Variants in CSNK1A1 observed in about 807,000 individuals in gnomAD.
CSNK1A1 encodes the protein casein kinase I isoform alpha.
CSNK1A1 carries 7 observed loss-of-function variants against 46.1 expected under a neutral mutation model. That is an observed-to-expected ratio of 0.15 (90% confidence interval 0.09 to 0.29). The LOEUF (loss-of-function observed/expected upper bound fraction) is 0.29, where lower values mean the gene tolerates loss of function less well. CSNK1A1 is among the 10% of genes least tolerant of loss of function. The pLI is 1.00. For missense variants in CSNK1A1, 96 were observed against 417.1 expected, an observed-to-expected ratio of 0.23 and a Z score of 6.71; for synonymous variants, 137 against 141.5, an observed-to-expected ratio of 0.97 and a Z score of 0.23.
chr5:149,505,625 C>A (rs772977210), intron 8 of CSNK1A1, 30 bp from the exon 9 acceptor site: 1 of 1,585,196 alleles, frequency 6.3e-7, no homozygotes, highest in South Asian at 1.1e-5. Context: ...TTATGTTAAT[C>A]CTTTAATAAC....
In CSNK1A1 at chr5:149,507,123, G is replaced by C; in HGVS notation, c.761C>G (p.Ala254Gly). The C allele has an allele frequency of 6.2e-7, 1 of 1,612,766 alleles. No homozygotes were observed. The highest frequency in any genetic ancestry group is 1.1e-5 in the South Asian group (1 of 90,878). ...ATAGTTTAAGTACATCGCAAATTCT[G>C]CAGGAAACCCCTATAGGTTCAAGGG... ...PVEVLCKGFP[A>G]EFAMYLNYCR... Residue 254 changes from alanine to glycine, a missense_variant, in exon 8 of 10, where the codon GCA becomes GGA. By Grantham distance (60) the Ala-to-Gly change is moderately conservative. Coordinates refer to ENST00000377843, the MANE Select transcript of CSNK1A1 (RefSeq NM_001892.6).
At chr5:149,511,990 T>G in intron 5 of CSNK1A1, 118 bp from the exon 6 acceptor site, 2 of 714,942 alleles carry the variant, frequency 2.8e-6, no homozygotes, top group Non-Finnish European at 4.5e-6. Flanking sequence ...ATTTGGTGTC[T>G]TACGCAAGAA....
intron 2 of CSNK1A1, chr5:149,545,717 T>C: frequency 1.5e-6 from 1 of 677,696 alleles, no homozygotes; most frequent in Non-Finnish European, 2.6e-6. Flanking sequence ...GCAAAGTGCA[T>C]GTTCCTCAGG....
chr5:149,550,159 G>A lies in CSNK1A1; in HGVS notation c.146C>T (p.Ser49Phe). The A allele has an allele frequency of 6.2e-7, 1 of 1,613,896 alleles. No homozygotes were observed. Among genetic ancestry groups the A allele is most frequent in the Non-Finnish European group, 8.5e-7 (1 of 1,179,844 alleles). ...NGEEVAVKLESQKARHPQLLY... is the reference protein window; with the variant it reads ...NGEEVAVKLEFQKARHPQLLY... ...CAACTGGGGATGCCTGGCCTTCTGA[G>A]ATTCTAGCTTCACTGCCACTTCCTG... The change falls in exon 2 of 10, where the codon TCT (serine) becomes TTT (phenylalanine). Residue 49 changes from serine (S) to phenylalanine (F), a missense_variant. Coordinates refer to ENST00000377843, the MANE Select transcript of CSNK1A1 (RefSeq NM_001892.6). The surrounding 1 kb of genome is among the most constrained non-coding windows in gnomAD (Gnocchi z 4.3).
intron 2 of CSNK1A1, among the ~76,000 whole-genome samples, 167 bp downstream of exon 2, chr5:149,549,908 T>C (rs749237181): frequency 6.6e-6 from 1 of 152,124 alleles, no homozygotes; most frequent in Non-Finnish European, 1.5e-5. Context: ...CAAACTGAAA[T>C]TTACTCAGTA....
At chr5:149,498,175 T>C (rs1237021214) in intron 9 of CSNK1A1, 1 of 985,272 alleles carries the variant, frequency 1.0e-6, no homozygotes, top group East Asian at 1.1e-4. Flanking sequence ...CCCATGGGCT[T>C]TGTGGGAGAA....
rs1762618228 is a variant in CSNK1A1, at chr5:149,550,357, AG to A, written c.124-177del. ...GGCAACCAGCCTCAAAGGCCTCTTC[AG>A]GGGGTAGTGACGAAATCCGTACGTC... On this transcript the variant is annotated intron_variant, in intron 1 of 9. Coordinates refer to ENST00000377843, the MANE Select transcript of CSNK1A1 (RefSeq NM_001892.6). The surrounding 1 kb of genome is among the most constrained non-coding windows in gnomAD (Gnocchi z 4.3). 1 of 1,413,562 alleles carries A rather than the reference AG, an allele frequency of 7.1e-7. No individual in the cohort carries two copies. The highest frequency in any genetic ancestry group is 9.2e-7 in the Non-Finnish European group (1 of 1,088,176). The allele number at this position is 1,413,562 out of a possible 1,614,324, so 87.6% of individuals were successfully genotyped here. A position where few individuals can be genotyped will look rare whatever the true frequency, so the allele number is the denominator to read the frequency against.
intron 2 of CSNK1A1, among the ~76,000 whole-genome samples, chr5:149,528,428 A>G (rs943459809): frequency 1.3e-5 from 2 of 152,180 alleles, no homozygotes; most frequent in Admixed American, 6.5e-5. Flanking sequence ...AGGAATATAT[A>G]GCTTAATTCT....
At chr5:149,511,272 A>G (rs1441218112) in intron 6 of CSNK1A1, among the ~76,000 whole-genome samples, 1 of 152,194 alleles carries the variant, frequency 6.6e-6, no homozygotes, top group Admixed American at 6.5e-5. Context: ...TTCAGGCTGC[A>G]GTGAGCCAGG....
At chr5:149,529,360 G>T (rs1761817552) in intron 2 of CSNK1A1, among the ~76,000 whole-genome samples, 1 of 152,160 alleles carries the variant, frequency 6.6e-6, no homozygotes, top group Non-Finnish European at 1.5e-5. Context: ...CTGCTCTTAT[G>T]TCCTTTCCTC....
rs1001737544 is a variant in CSNK1A1, at chr5:149,504,445, T to C, written c.1006+1002A>G. ...TTCAGACTAGGGCAGTATTCAGAAA[T>C]TTAAAAATTAGAAACCAAGAGCCAA... On this transcript the variant is annotated intron_variant, in intron 9 of 9. Coordinates refer to ENST00000377843, the MANE Select transcript of CSNK1A1 (RefSeq NM_001892.6). 4.1e-6 allele frequency: 4 copies of C among 985,196 alleles called. No individual in the cohort carries two copies. In the South Asian group the frequency reaches 1.4e-4, roughly 35 times the overall value. 61.0% of individuals were successfully genotyped at this position (985,196 alleles called of 1,614,324 possible).
chr5:149,546,962 G>A (rs547790055), intron 2 of CSNK1A1, among the ~76,000 whole-genome samples: 9 of 152,160 alleles, frequency 5.9e-5, no homozygotes, highest in Admixed American at 4.6e-4. Context: ...TGCTTCAGTG[G>A]AAACAGTTTT....
intron 9 of CSNK1A1, chr5:149,499,339 G>C (rs1343451200): frequency 7.5e-6 from 6 of 797,836 alleles, no homozygotes; most frequent in Non-Finnish European, 9.1e-6. Flanking sequence ...AACAGAGTTG[G>C]AGGATGTGAT....
chr5:149,494,590 G>A lies in CSNK1A1; in HGVS notation c.*2263C>T, dbSNP rs1220095648. The A allele has an allele frequency of 6.6e-6, 1 of 152,034 alleles. No individual in the cohort carries two copies. Among genetic ancestry groups the A allele is most frequent in the East Asian group, 1.9e-4 (1 of 5,194 alleles). 9.4% of individuals were successfully genotyped at this position (152,034 alleles called of 1,614,324 possible). ...TAGCGGAAAAACATAATTTAATTTTGGTGAAATGAGATTCATCTCGTAACA... is the reference window on the plus strand; with the variant it reads ...TAGCGGAAAAACATAATTTAATTTTAGTGAAATGAGATTCATCTCGTAACA... On this transcript the variant is annotated 3_prime_UTR_variant, in exon 10 of 10. Coordinates refer to ENST00000377843, the MANE Select transcript of CSNK1A1 (RefSeq NM_001892.6).
In CSNK1A1 at chr5:149,550,381, G is replaced by A; in HGVS notation, c.124-200C>T. 2 of 1,368,082 alleles carry A rather than the reference G, an allele frequency of 1.5e-6. No homozygotes were observed. 84.7% of individuals were successfully genotyped at this position (1,368,082 alleles called of 1,614,324 possible). On this transcript the variant is annotated intron_variant, in intron 1 of 9. Transcript: ENST00000377843. This position sits in a 1 kb window ranked among gnomAD's most constrained non-coding sequence, Gnocchi z 4.3. ...CAGGGGGTAGTGACGAAATCCGTAC[G>A]TCCTCTAAAGTGCAGGAAAATGATT...
At chr5:149,549,575 G>T in intron 2 of CSNK1A1, 1 of 688,830 alleles carries the variant, frequency 1.5e-6, no homozygotes, top group South Asian at 1.5e-5. Flanking sequence ...GCAGGAATAT[G>T]GGGTTGAGTC....
chr5:149,504,469 A>T, intron 9 of CSNK1A1: 1 of 985,476 alleles, frequency 1.0e-6, no homozygotes, highest in Non-Finnish European at 1.2e-6. Context: ...ACCAAGAGCC[A>T]AATCTTACTT....
At chr5:149,544,987 T>C (rs1762426366) in intron 2 of CSNK1A1, among the ~76,000 whole-genome samples, 1 of 150,696 alleles carries the variant, frequency 6.6e-6, no homozygotes, top group Non-Finnish European at 1.5e-5. Flanking sequence ...AATACAAAAA[T>C]TAGCTGGGTG....
chr5:149,542,689 TA>T (rs1402324711), intron 2 of CSNK1A1, among the ~76,000 whole-genome samples: 829 of 23,078 alleles, frequency 0.036, 179 homozygotes, highest in Non-Finnish European at 0.047. Flanking sequence ...TATATATATA[TA>T]TATTTTTTTT....
Sources: gnomAD v4.1 joint callset for allele counts (sites outside exome capture counted in the v4.1 genomes callset) on GRCh38, gnomAD v4.1.1 for gene constraint, Gnocchi (gnomAD v3.1) non-coding constraint, MANE v1.5 for transcripts, NCBI Gene and HGNC (gene_info 2026-07-23, HGNC 2026-07-21) for gene names.